MASTL: variants seen among roughly 807,000 people sequenced by gnomAD.
The protein encoded by MASTL is serine/threonine-protein kinase greatwall.
MASTL carries 54 observed loss-of-function variants against 82.5 expected under a neutral mutation model. The observed-to-expected ratio is 0.65, with a 90% CI of 0.53 to 0.82. The LOEUF is 0.82. Ranked by LOEUF, MASTL falls within the 40% of genes least tolerant of loss-of-function variation. The pLI is 0.00. For synonymous variants in MASTL, 323 were observed against 368.9 expected (o/e 0.88, Z 1.43); for missense variants, 950 against 1,047.8 (o/e 0.91, Z 1.29).
At chr10:27,173,509 C>T (rs2058016096) in intron 9 of MASTL, among the ~76,000 whole-genome samples, 1 of 152,070 alleles carries the variant, frequency 6.6e-6, no homozygotes, top group African/African-American at 2.4e-5. Context: ...CTGGTTCAGT[C>T]TCAATGTTCC....
In MASTL at chr10:27,170,145, G is replaced by C. The variant is rs141882356; in HGVS notation, c.1186G>C (p.Glu396Gln). ...VNLAKKCFSG[E>Q]VSWEAVELDV... The stretch of plus-strand genomic sequence containing the variant: ...CCTTGCTAAAAAATGCTTCTCTGGG[G>C]AAGTTTCTTGGGAAGCAGTAGAACT... The change falls in exon 8 of 12, where the codon GAA becomes CAA. Residue 396 changes from glutamate (E) to glutamine (Q), a missense_variant. Glu to Gln is a conservative substitution (Grantham distance 29). Coordinates refer to ENST00000375940, the MANE Select transcript of MASTL (RefSeq NM_001172303.3). 449 of 1,614,142 alleles carry C rather than the reference G, an allele frequency of 2.8e-4. 1 individual carries two copies. In the African/African-American group the frequency reaches 5.2e-3, roughly 19 times the overall value.
intron 6 of MASTL, 100 bp from the exon 7 acceptor site, chr10:27,166,979 TAATTCTTAATACATATTAATATG>T: frequency 1.7e-5 from 2 of 118,626 alleles, no homozygotes; most frequent in East Asian, 8.3e-5. Flanking sequence ...TTCTGATATG[TAATTCTTAATACATATTAATATG>T]TAATTCTTGA....
chr10:27,175,265 C>T (rs1208572867), intron 9 of MASTL, among the ~76,000 whole-genome samples: 1 of 152,084 alleles, frequency 6.6e-6, no homozygotes, highest in Non-Finnish European at 1.5e-5. Flanking sequence ...TCACTGCAAC[C>T]TCCGTCTCCC....
intron 9 of MASTL, among the ~76,000 whole-genome samples, chr10:27,178,203 C>T (rs1004600521): frequency 2.0e-5 from 3 of 152,014 alleles, no homozygotes; most frequent in African/African-American, 7.3e-5. Context: ...ACCAGCCTGC[C>T]CAACATGGCG....
chr10:27,166,878 T>C (rs2057758190), intron 6 of MASTL, among the ~76,000 whole-genome samples: 1 of 152,096 alleles, frequency 6.6e-6, no homozygotes, highest in Admixed American at 6.6e-5. Flanking sequence ...TAGTGGGATA[T>C]GTTTAGATAT....
At chr10:27,171,975 T>C (rs1048426282) in intron 8 of MASTL, among the ~76,000 whole-genome samples, 12 of 151,960 alleles carry the variant, frequency 7.9e-5, no homozygotes, top group African/African-American at 2.9e-4. Context: ...ACTACAGGCA[T>C]GTGCCACCAT....
At chr10:27,183,441 G>A (rs563625125) in intron 11 of MASTL, among the ~76,000 whole-genome samples, 171 of 152,020 alleles carry the variant, frequency 1.1e-3, no homozygotes, top group Non-Finnish European at 2.2e-3. Flanking sequence ...GTGCCACCAC[G>A]CCCAGCTAAT....
chr10:27,162,762 A>C (rs1224102493), intron 4 of MASTL, among the ~76,000 whole-genome samples: 1 of 152,016 alleles, frequency 6.6e-6, no homozygotes, highest in Non-Finnish European at 1.5e-5. Context: ...GGACTTAAAA[A>C]CTCTGGAATT....
intron 6 of MASTL, among the ~76,000 whole-genome samples, chr10:27,166,813 C>T (rs1035510673): frequency 3.4e-4 from 51 of 151,948 alleles, no homozygotes; most frequent in African/African-American, 1.2e-3. Context: ...ACTGAATGAA[C>T]GTTAAGGGGA....
intron 1 of MASTL, among the ~76,000 whole-genome samples, chr10:27,156,828 A>G (rs1407946788): frequency 2.7e-5 from 2 of 73,356 alleles, no homozygotes; most frequent in African/African-American, 1.6e-4. Context: ...CCCTGCTATG[A>G]ATTTTTTTTT....
In MASTL at chr10:27,169,869, CTTAACGGACCATAG is replaced by C; in HGVS notation, c.985-70_985-57del. ...TAGTTTATGGGGTCATTTATCCTAC[CTTAACGGACCATAG>C]TTAAAAGGTCAATGAATCTCAGCTT... On this transcript the variant is annotated intron_variant, in intron 7 of 11. Transcript: ENST00000375940. 4.1e-6 allele frequency: 6 copies of C among 1,473,614 alleles called. No individual in the cohort carries two copies. In the Admixed American group the frequency reaches 1.0e-4, roughly 25 times the overall value. 91.3% of individuals were successfully genotyped at this position (1,473,614 alleles called of 1,614,324 possible). A position where few individuals can be genotyped will look rare whatever the true frequency, so the allele number is the denominator to read the frequency against.
Position 27,186,831 on chromosome 10 carries a change from A to G in MASTL, c.*295A>G. On this transcript the variant is annotated 3_prime_UTR_variant, in exon 12 of 12. Coordinates refer to ENST00000375940, the MANE Select transcript of MASTL (RefSeq NM_001172303.3). ...AATAAAATTAGAGGACACTATTGAG[A>G]GTGAGCCACTAGCTTGATTTTCTTT... The G allele has an allele frequency of 5.4e-6, 2 of 372,190 alleles. No individual in the cohort carries two copies. Among genetic ancestry groups the G allele is most frequent in the South Asian group, 5.5e-5 (2 of 36,172 alleles). The allele number at this position is 372,190 out of a possible 1,614,324, so 23.1% of individuals were successfully genotyped here.
At chr10:27,156,674 A>G (rs1038900219) in intron 1 of MASTL, among the ~76,000 whole-genome samples, 3 of 148,860 alleles carry the variant, frequency 2.0e-5, no homozygotes, top group Non-Finnish European at 4.5e-5. Context: ...TGATTTGTGT[A>G]GTTTTTTTTT....
chr10:27,157,700 A>C (rs937518575), intron 1 of MASTL, among the ~76,000 whole-genome samples: 8 of 152,100 alleles, frequency 5.3e-5, no homozygotes, highest in Non-Finnish European at 1.0e-4. Flanking sequence ...GTTTCTGTAC[A>C]GATTACCTTG....
In MASTL at chr10:27,169,957, C is replaced by A; in HGVS notation, c.998C>A (p.Ala333Glu). The A allele has an allele frequency of 6.2e-7, 1 of 1,614,068 alleles. No homozygotes were observed. Among genetic ancestry groups the A allele is most frequent in the Non-Finnish European group, 8.5e-7 (1 of 1,180,018 alleles). The change falls in exon 8 of 12, where the codon GCA (alanine) becomes GAA (glutamate). Residue 333 changes from alanine (A) to glutamate (E), a missense_variant. Physicochemically the swap from Ala to Glu is moderately radical, Grantham distance 107 (BLOSUM62 -1). Coordinates refer to ENST00000375940, the MANE Select transcript of MASTL (RefSeq NM_001172303.3). ...WEKDCQESDE[A>E]LGPTMMSWNA... Reference sequence around the variant, plus strand: ...TTTCCCTCTTAGGAAAGTGATGAAGCATTGGGCCCAACAATGATGAGTTGG... The same window carrying A: ...TTTCCCTCTTAGGAAAGTGATGAAGAATTGGGCCCAACAATGATGAGTTGG...
At chr10:27,173,319 G>A (rs1355196371) in intron 9 of MASTL, 60 bp downstream of exon 9, 2 of 1,606,218 alleles carry the variant, frequency 1.2e-6, no homozygotes, top group African/African-American at 2.7e-5. Context: ...ATCTTTCAAG[G>A]TTAAATTTTA....
At chr10:27,162,832 G>T (rs1045145457) in intron 4 of MASTL, among the ~76,000 whole-genome samples, 1 of 152,138 alleles carries the variant, frequency 6.6e-6, no homozygotes, top group African/African-American at 2.4e-5. Flanking sequence ...GAAGTACAAA[G>T]TTCAACAGTT....
Position 27,170,933 on chromosome 10 carries a change from T to C in MASTL, c.1974T>C (p.Phe658=). 1 of 1,614,170 alleles carries C rather than the reference T, an allele frequency of 6.2e-7. No individual in the cohort carries two copies. Among genetic ancestry groups the C allele is most frequent in the Non-Finnish European group, 8.5e-7 (1 of 1,180,020 alleles). ...SKRNAVAFRS[F]NSHINASNNS... is the part of the protein sequence containing the mutation. ...GAAATGCTGTTGCTTTTCGAAGTTT[T>C]AACAGTCATATTAATGCATCCAATA... The change falls in exon 8 of 12, where the codon TTT becomes TTC. Residue 658 remains phenylalanine (F), a synonymous_variant. Coordinates refer to ENST00000375940, the MANE Select transcript of MASTL (RefSeq NM_001172303.3).
rs140093156 is a variant in MASTL at position 27,159,572 on chromosome 10, G to A, written c.325-47G>A. ...AATGCCCAAATACTAGATTTTTAAAGTAATCATATTGTTTTTATTTCACAA... is the reference window on the plus strand; with the variant it reads ...AATGCCCAAATACTAGATTTTTAAAATAATCATATTGTTTTTATTTCACAA... On this transcript the variant is annotated intron_variant, in intron 2 of 11. Coordinates refer to ENST00000375940, the MANE Select transcript of MASTL (RefSeq NM_001172303.3). The surrounding 1 kb of genome is among the most constrained non-coding windows in gnomAD (Gnocchi z 4.0). 1 of 1,326,384 alleles carries A rather than the reference G, an allele frequency of 7.5e-7. No homozygotes were observed. The highest frequency in any genetic ancestry group is 1.5e-5 in the African/African-American group (1 of 68,736). The allele number at this position is 1,326,384 out of a possible 1,614,324, so 82.2% of individuals were successfully genotyped here.
Sources: allele counts gnomAD v4.1 joint callset (sites outside exome capture counted in the v4.1 genomes callset), GRCh38; gene constraint gnomAD v4.1.1; non-coding constraint Gnocchi (gnomAD v3.1); transcripts MANE v1.5; gene names NCBI Gene and HGNC (gene_info 2026-07-23, HGNC 2026-07-21).